The following TNFRSF9 variants were observed in gnomAD, a reference collection of about 807,000 sequenced individuals.
The protein encoded by TNFRSF9 is TNF receptor superfamily member 9, also known as tumor necrosis factor receptor superfamily member 9.
A neutral mutation model predicts 28.8 loss-of-function variants in TNFRSF9; 16 were observed. The ratio of observed to expected loss-of-function variants is 0.55; its 90% CI spans 0.38 to 0.84. The LOEUF (loss-of-function observed/expected upper bound fraction) is 0.84. Among genes scored for constraint, TNFRSF9 ranks in the 40% least tolerant of loss-of-function variants. The pLI, the probability that TNFRSF9 is intolerant of heterozygous loss-of-function variation, is 0.00. For synonymous variants in TNFRSF9, 131 were observed against 117.0 expected, an observed-to-expected ratio of 1.12 and a Z score of -0.77; for missense variants, 303 against 315.0, an observed-to-expected ratio of 0.96 and a Z score of 0.29.
chr1:7,920,252 T>C lies in TNFRSF9; in HGVS notation c.*583A>G, dbSNP rs1639537650. ...TAATTGAATTTAAACTATAATTTTC[T>C]TTGGATTTCAAAAAAACTAGCTCAA... On this transcript the variant is annotated 3_prime_UTR_variant, in exon 8 of 8. Transcript: ENST00000377507. 6.6e-6 allele frequency: 1 copy of C among 152,272 alleles called. No homozygotes were observed. Among genetic ancestry groups the C allele is most frequent in the African/African-American group, 2.4e-5 (1 of 41,384 alleles). The allele number at this position is 152,272 out of a possible 1,614,324, so 9.4% of individuals were successfully genotyped here.
chr1:7,938,382 C>A, intron 3 of TNFRSF9, 52 bp from the exon 4 acceptor site: 1 of 1,494,776 alleles, frequency 6.7e-7, no homozygotes, highest in Non-Finnish European at 9.0e-7. Context: ...CCTCCAAATC[C>A]AGGAAGCGAA....
Position 7,918,979 on chromosome 1 carries a change from TCTC to T in TNFRSF9, c.*1853_*1855del. On this transcript the variant is annotated 3_prime_UTR_variant, in exon 8 of 8. Coordinates refer to ENST00000377507, the MANE Select transcript of TNFRSF9 (RefSeq NM_001561.6). ...AGTAGACTATTGTTCAGAAATATCT[TCTC>T]CTCACCCCTATTTACAGAATATACT... The T allele has an allele frequency of 6.6e-6, 1 of 152,246 alleles. No homozygotes were observed. Among genetic ancestry groups the T allele is most frequent in the Non-Finnish European group, 1.5e-5 (1 of 68,016 alleles). The allele number at this position is 152,246 out of a possible 1,614,324, so 9.4% of individuals were successfully genotyped here. A position where few individuals can be genotyped will look rare whatever the true frequency, so the allele number is the denominator to read the frequency against.
intron 6 of TNFRSF9, among the ~76,000 whole-genome samples, chr1:7,933,610 G>C (rs1243322839): frequency 6.6e-6 from 1 of 152,062 alleles, no homozygotes; most frequent in Non-Finnish European, 1.5e-5. Flanking sequence ...CAGGAGAATG[G>C]CTTGAACCCG....
Position 7,937,606 on chromosome 1 carries a change from A to G in TNFRSF9, c.413+84T>C, listed in dbSNP as rs1639839785. On this transcript the variant is annotated intron_variant, in intron 5 of 7. Transcript: ENST00000377507. ...TCTGTCTACACTTGATGGGTGCAAAAAAGCTTCAATGATAGCATTCCTTAT... is the reference window on the plus strand; with the variant it reads ...TCTGTCTACACTTGATGGGTGCAAAGAAGCTTCAATGATAGCATTCCTTAT... The G allele has an allele frequency of 1.4e-5, 16 of 1,154,598 alleles. No individual in the cohort carries two copies. In the South Asian group the frequency reaches 2.0e-4, roughly 14 times the overall value. 71.5% of individuals were successfully genotyped at this position (1,154,598 alleles called of 1,614,324 possible).
intron 7 of TNFRSF9, among the ~76,000 whole-genome samples, chr1:7,927,728 AG>A (rs1181362984): frequency 2.0e-5 from 3 of 148,202 alleles, no homozygotes; most frequent in African/African-American, 5.0e-5. Flanking sequence ...TAAGAGATAG[AG>A]GAAAAAAAAA....
intron 5 of TNFRSF9, among the ~76,000 whole-genome samples, chr1:7,935,905 G>A (rs538859437): frequency 1.3e-5 from 2 of 152,286 alleles, no homozygotes; most frequent in South Asian, 4.2e-4. Flanking sequence ...ACGAGTGAGA[G>A]TCAGTGACAC....
rs1001314732 is a variant in TNFRSF9 at position 7,916,278 on chromosome 1, A to G, written c.*4557T>C. On this transcript the variant is annotated 3_prime_UTR_variant, in exon 8 of 8. Transcript: ENST00000377507. ...ATTAAACCTAATTATGGAACTTTCT[A>G]AATTAAACCCAGAAGGGGATCATTT... is the stretch of plus-strand genomic sequence containing the variant. 1.3e-5 allele frequency: 2 copies of G among 152,242 alleles called. No homozygotes were observed. Among genetic ancestry groups the G allele is most frequent in the African/African-American group, 4.8e-5 (2 of 41,454 alleles). The allele number at this position is 152,242 out of a possible 1,614,324, so 9.4% of individuals were successfully genotyped here.
intron 2 of TNFRSF9, 138 bp from the exon 3 acceptor site, chr1:7,938,966 T>C (rs974653390): frequency 5.2e-6 from 3 of 571,490 alleles, no homozygotes; most frequent in Non-Finnish European, 9.3e-6. Flanking sequence ...ATTAGTTTGA[T>C]TGACTTCCTA....
chr1:7,932,687 A>G (rs673322), intron 7 of TNFRSF9, among the ~76,000 whole-genome samples: 56 of 150,064 alleles, frequency 3.7e-4, no homozygotes, highest in African/African-American at 1.3e-3. Context: ...ACACGCACGC[A>G]CGCGCACACA....
Position 7,919,124 on chromosome 1 carries a change from C to T in TNFRSF9, c.*1711G>A, listed in dbSNP as rs1268576750. Reference sequence around the variant, plus strand: ...CATTTGCCATGCGATGGCCAATGTTCCAAATAGAAGCTGCTCCCTCCACCT... The same window carrying T: ...CATTTGCCATGCGATGGCCAATGTTTCAAATAGAAGCTGCTCCCTCCACCT... On this transcript the variant is annotated 3_prime_UTR_variant, in exon 8 of 8. Transcript: ENST00000377507. The T allele has an allele frequency of 6.6e-6, 1 of 152,146 alleles. No individual in the cohort carries two copies. The highest frequency in any genetic ancestry group is 1.5e-5 in the Non-Finnish European group (1 of 68,038). 9.4% of individuals were successfully genotyped at this position (152,146 alleles called of 1,614,324 possible).
At chr1:7,923,946 A>C (rs1639598949) in intron 7 of TNFRSF9, among the ~76,000 whole-genome samples, 1 of 152,206 alleles carries the variant, frequency 6.6e-6, no homozygotes, top group Non-Finnish European at 1.5e-5. Flanking sequence ...AAAATGTATA[A>C]ATGAAGAGAC....
In TNFRSF9 at chr1:7,938,372, C is replaced by A. The variant is rs764676199; in HGVS notation, c.209-42G>T. On this transcript the variant is annotated intron_variant, in intron 3 of 7. Coordinates refer to ENST00000377507, the MANE Select transcript of TNFRSF9 (RefSeq NM_001561.6). ...GCCCCCAACATTTTATTACACTTGA[C>A]CTCCAAATCCAGGAAGCGAATTTAT... The A allele has an allele frequency of 2.6e-6, 4 of 1,521,980 alleles. No individual in the cohort carries two copies. The South Asian group carries it at 5.1e-5, about 19-fold the overall frequency. The allele number at this position is 1,521,980 out of a possible 1,614,324, so 94.3% of individuals were successfully genotyped here.
At chr1:7,933,831 A>G (rs924422383) in intron 6 of TNFRSF9, among the ~76,000 whole-genome samples, 2 of 152,180 alleles carry the variant, frequency 1.3e-5, no homozygotes, top group Admixed American at 1.3e-4. Context: ...AGCCTGGCCA[A>G]CATGGAGAAA....
At chr1:7,939,580 C>T (rs1027334419) in intron 2 of TNFRSF9, among the ~76,000 whole-genome samples, 1 of 152,142 alleles carries the variant, frequency 6.6e-6, no homozygotes, top group African/African-American at 2.4e-5. Flanking sequence ...GAGCACAAAG[C>T]CCTACACACA....
At chr1:7,940,568 C>A (rs932760807) in intron 1 of TNFRSF9, among the ~76,000 whole-genome samples, 4 of 152,164 alleles carry the variant, frequency 2.6e-5, no homozygotes, top group Non-Finnish European at 4.4e-5. Context: ...AACACATTTT[C>A]TTAAACAGAG....
In TNFRSF9 at chr1:7,931,489, C is replaced by T. The variant is rs139070610; in HGVS notation, c.679+1673G>A. Among the ~76,000 whole-genome samples the T allele has an allele frequency of 6.8e-3, 1,036 of 152,250 alleles. 15 individuals carry two copies. The highest frequency in any genetic ancestry group is 0.023 in the African/African-American group (941 of 41,556). On this transcript the variant is annotated intron_variant, in intron 7 of 7. Coordinates refer to ENST00000377507, the MANE Select transcript of TNFRSF9 (RefSeq NM_001561.6). ...ACATGGATGAATCTTCATGATACAA[C>T]GTTGAAAGAAGAAGCAAGATACAGA... is the stretch of plus-strand genomic sequence containing the variant.
chr1:7,920,763 C>A lies in TNFRSF9; in HGVS notation c.*72G>T, dbSNP rs912826350. On this transcript the variant is annotated 3_prime_UTR_variant, in exon 8 of 8. Transcript: ENST00000377507. Reference sequence around the variant, plus strand: ...AGGATGGTGTTCTTGCTTTTGAAAGCTGTGATAGCGGATGACTCATATTTC... The same window carrying A: ...AGGATGGTGTTCTTGCTTTTGAAAGATGTGATAGCGGATGACTCATATTTC... 4 of 1,206,448 alleles carry A rather than the reference C, an allele frequency of 3.3e-6. No homozygotes were observed. In the Admixed American group the frequency reaches 6.9e-5, roughly 21 times the overall value. The allele number at this position is 1,206,448 out of a possible 1,614,324, so 74.7% of individuals were successfully genotyped here. A position where few individuals can be genotyped will look rare whatever the true frequency, so the allele number is the denominator to read the frequency against.
rs1442788383 is a variant in TNFRSF9 at position 7,916,180 on chromosome 1, A to G, written c.*4655T>C. On this transcript the variant is annotated 3_prime_UTR_variant, in exon 8 of 8. Coordinates refer to ENST00000377507, the MANE Select transcript of TNFRSF9 (RefSeq NM_001561.6). ...ACCTGAGCTTGTTTTTAGCATTTAG[A>G]AAATGATTTATAATTTGTGTATCCC... 6.6e-6 allele frequency: 1 copy of G among 152,232 alleles called. No individual in the cohort carries two copies. The highest frequency in any genetic ancestry group is 2.4e-5 in the African/African-American group (1 of 41,464). The allele number at this position is 152,232 out of a possible 1,614,324, so 9.4% of individuals were successfully genotyped here.
Position 7,920,580 on chromosome 1 carries a change from G to T in TNFRSF9, c.*255C>A. ...CAGGAGGATCACTTGAGCTCCCAGA[G>T]GTCAAGGCTGCAGAGAGCCATGGTG... On this transcript the variant is annotated 3_prime_UTR_variant, in exon 8 of 8. Coordinates refer to ENST00000377507, the MANE Select transcript of TNFRSF9 (RefSeq NM_001561.6). 2.6e-6 allele frequency: 1 copy of T among 382,752 alleles called. No individual in the cohort carries two copies. Among genetic ancestry groups the T allele is most frequent in the Non-Finnish European group, 4.8e-6 (1 of 209,460 alleles). The allele number at this position is 382,752 out of a possible 1,614,324, so 23.7% of individuals were successfully genotyped here. A position where few individuals can be genotyped will look rare whatever the true frequency, so the allele number is the denominator to read the frequency against.
Sources: gnomAD v4.1 joint callset for allele counts (sites outside exome capture counted in the v4.1 genomes callset) on GRCh38, gnomAD v4.1.1 for gene constraint, MANE v1.5 for transcripts, NCBI Gene and HGNC (gene_info 2026-07-23, HGNC 2026-07-21) for gene names.